CCDC85C: variants seen among roughly 807,000 people sequenced by gnomAD.
The protein encoded by CCDC85C is coiled-coil domain-containing protein 85C.
A neutral mutation model predicts 38.3 loss-of-function variants in CCDC85C; 18 were observed. The observed-to-expected ratio is 0.47, with a 90% CI of 0.33 to 0.70. The LOEUF (loss-of-function observed/expected upper bound fraction) is 0.70, where lower values mean the gene tolerates loss of function less well. Among genes scored for constraint, CCDC85C ranks in the 30% least tolerant of loss-of-function variants. The probability of loss-of-function intolerance (pLI) is 0.03; values close to 1 mark genes in which losing one functional copy is unlikely to be tolerated. For missense variants in CCDC85C, 566 were observed against 621.2 expected (o/e 0.91, Z 0.94); for synonymous variants, 264 against 293.8 (o/e 0.90, Z 1.04).
In CCDC85C at chr14:99,544,668, G is replaced by T. The variant is rs141515367; in HGVS notation, c.794-8580C>A. The stretch of plus-strand genomic sequence containing the variant: ...ACTTTCAGGGCCCAGGCTCCAGGGA[G>T]CGTCACTCTGAACTCCATTATCCTT... On this transcript the variant is annotated intron_variant, in intron 1 of 5. Coordinates refer to ENST00000380243, the MANE Select transcript of CCDC85C (RefSeq NM_001144995.2). This position sits in a 1 kb window ranked among gnomAD's most constrained non-coding sequence, Gnocchi z 5.3. Among the ~76,000 whole-genome samples, 964 of 152,224 alleles carry T rather than the reference G, an allele frequency of 6.3e-3. 5 individuals carry two copies. Among genetic ancestry groups the T allele is most frequent in the Middle Eastern group, 0.031 (9 of 294 alleles).
chr14:99,522,522 GTGAGAGC>G (rs1897317755), intron 2 of CCDC85C: 1 of 113,498 alleles, frequency 8.8e-6, no homozygotes, highest in Admixed American at 1.9e-4. Context: ...AGAAGAGCCA[GTGAGAGC>G]GAGTGAGGAG....
rs1555369519 is a variant in CCDC85C, at chr14:99,544,516, GTC to G, written c.794-8430_794-8429del. ...TGTGTGTGTGTGTGTGTGTGTGTGT[GTC>G]TGTGTGTCTGTGTGTTCCCACACCC... On this transcript the variant is annotated intron_variant, in intron 1 of 5. Coordinates refer to ENST00000380243, the MANE Select transcript of CCDC85C (RefSeq NM_001144995.2). This position sits in a 1 kb window ranked among gnomAD's most constrained non-coding sequence, Gnocchi z 5.3. Among the ~76,000 whole-genome samples, 5 of 150,372 alleles carry G rather than the reference GTC, an allele frequency of 3.3e-5. No individual in the cohort carries two copies. The highest frequency in any genetic ancestry group is 1.2e-4 in the African/African-American group (5 of 40,008).
chr14:99,571,051 G>T (rs985479043), intron 1 of CCDC85C, among the ~76,000 whole-genome samples: 1 of 152,104 alleles, frequency 6.6e-6, no homozygotes, highest in Admixed American at 6.5e-5. Context: ...TGCCACCCCT[G>T]CCTGTGCCCA....
intron 1 of CCDC85C, among the ~76,000 whole-genome samples, chr14:99,547,576 C>G (rs1566769207): frequency 6.6e-6 from 1 of 152,122 alleles, no homozygotes; most frequent in Non-Finnish European, 1.5e-5. Flanking sequence ...GAGTTCGAGA[C>G]TAGCCTGGCC....
Position 99,502,636 on chromosome 14 carries a change from G to A in CCDC85C, c.*12610C>T, listed in dbSNP as rs79410788. The A allele has an allele frequency of 7.4e-7, 1 of 1,342,492 alleles. No homozygotes were observed. The highest frequency in any genetic ancestry group is 1.0e-6 in the Non-Finnish European group (1 of 955,300). The allele number at this position is 1,342,492 out of a possible 1,614,324, so 83.2% of individuals were successfully genotyped here. A position where few individuals can be genotyped will look rare whatever the true frequency, so the allele number is the denominator to read the frequency against. ...GATTCATGCTTAGGTCCTCGTAGGG[G>A]TATCATAACTGATTCTTTATCCAGG... On this transcript the variant is annotated 3_prime_UTR_variant, in exon 6 of 6. Coordinates refer to ENST00000380243, the MANE Select transcript of CCDC85C (RefSeq NM_001144995.2).
rs1266869708 is a variant in CCDC85C, at chr14:99,500,698, C to G, written c.*14548G>C. 1 of 1,012,264 alleles carries G rather than the reference C, an allele frequency of 9.9e-7. No homozygotes were observed. The highest frequency in any genetic ancestry group is 1.5e-6 in the Non-Finnish European group (1 of 659,606). 62.7% of individuals were successfully genotyped at this position (1,012,264 alleles called of 1,614,324 possible). A position where few individuals can be genotyped will look rare whatever the true frequency, so the allele number is the denominator to read the frequency against. ...GAGAGAATAAATAGACAGGAAAGCT[C>G]ACTTTTGTAATGCTGCTTGAGACCT... is the stretch of plus-strand genomic sequence containing the variant. On this transcript the variant is annotated 3_prime_UTR_variant, in exon 6 of 6. Transcript: ENST00000380243.
intron 1 of CCDC85C, among the ~76,000 whole-genome samples, chr14:99,602,139 G>A (rs1422377169): frequency 6.6e-6 from 1 of 152,250 alleles, no homozygotes; most frequent in African/African-American, 2.4e-5. Flanking sequence ...AGCAGAACTG[G>A]AAGCCAAGCT....
intron 1 of CCDC85C, among the ~76,000 whole-genome samples, chr14:99,564,170 G>T (rs1028668354): frequency 7.2e-5 from 11 of 152,262 alleles, no homozygotes; most frequent in Non-Finnish European, 1.5e-4. Context: ...TCTCTCCACA[G>T]AAGTTTCTTG....
intron 3 of CCDC85C, among the ~76,000 whole-genome samples, chr14:99,518,682 T>A (rs1463847440): frequency 6.6e-6 from 1 of 152,174 alleles, no homozygotes; most frequent in African/African-American, 2.4e-5. Context: ...ACAGGCCATG[T>A]GCCAGCCGGC....
chr14:99,571,283 G>A (rs1272534879), intron 1 of CCDC85C, among the ~76,000 whole-genome samples: 4 of 152,062 alleles, frequency 2.6e-5, no homozygotes, highest in Non-Finnish European at 5.9e-5. Flanking sequence ...AGGCCATCTC[G>A]CCAAGGCCTG....
intron 1 of CCDC85C, among the ~76,000 whole-genome samples, chr14:99,560,666 C>G (rs1472478213): frequency 6.6e-6 from 1 of 152,216 alleles, no homozygotes; most frequent in Admixed American, 6.5e-5. Flanking sequence ...TCGCTGGGCC[C>G]GGTGTACTCA....
intron 2 of CCDC85C, among the ~76,000 whole-genome samples, chr14:99,524,370 G>A (rs528274569): frequency 4.6e-5 from 7 of 151,730 alleles, no homozygotes; most frequent in Non-Finnish European, 7.4e-5. Context: ...TCTGGCCCTC[G>A]ACCAAATGGG....
At chr14:99,566,148 G>A (rs930020581) in intron 1 of CCDC85C, among the ~76,000 whole-genome samples, 10 of 152,216 alleles carry the variant, frequency 6.6e-5, no homozygotes, top group Non-Finnish European at 1.3e-4. Flanking sequence ...CTCCAGAATC[G>A]TACTGAATGC....
rs1282781179 is a variant in CCDC85C at position 99,533,022 on chromosome 14, T to G, written c.867+2993A>C. 3.3e-5 allele frequency among the ~76,000 whole-genome samples: 5 copies of G among 152,120 alleles called. No homozygotes were observed. The highest frequency in any genetic ancestry group is 5.9e-5 in the Non-Finnish European group (4 of 68,026). The stretch of plus-strand genomic sequence containing the variant: ...ATCTCAAATTCCTGACCTCAAGTGA[T>G]CCGCCCACCTCAGCCTCCCAAAGTG... On this transcript the variant is annotated intron_variant, in intron 2 of 5. Coordinates refer to ENST00000380243, the MANE Select transcript of CCDC85C (RefSeq NM_001144995.2). The surrounding 1 kb of genome is among the most constrained non-coding windows in gnomAD (Gnocchi z 4.2).
At chr14:99,529,805 C>G (rs532537192) in intron 2 of CCDC85C, among the ~76,000 whole-genome samples, 1 of 152,364 alleles carries the variant, frequency 6.6e-6, no homozygotes, top group Admixed American at 6.5e-5. Context: ...AAACTGGCAT[C>G]AGGCGGAGGC....
rs889003793 is a variant in CCDC85C at position 99,504,309 on chromosome 14, C to G, written c.*10937G>C. 1 of 155,586 alleles carries G rather than the reference C, an allele frequency of 6.4e-6. No individual in the cohort carries two copies. The highest frequency in any genetic ancestry group is 2.4e-5 in the African/African-American group (1 of 41,426). The allele number at this position is 155,586 out of a possible 1,614,324, so 9.6% of individuals were successfully genotyped here. Reference sequence around the variant, plus strand: ...TTTCTTTGTTACTTGGTTCTTAGTTCCAGTAGTTCCTGGTTCTTAGAACCA... The same window carrying G: ...TTTCTTTGTTACTTGGTTCTTAGTTGCAGTAGTTCCTGGTTCTTAGAACCA... On this transcript the variant is annotated 3_prime_UTR_variant, in exon 6 of 6. Coordinates refer to ENST00000380243, the MANE Select transcript of CCDC85C (RefSeq NM_001144995.2).
In CCDC85C at chr14:99,588,705, G is replaced by T. The variant is rs2055052884; in HGVS notation, c.793+14462C>A. On this transcript the variant is annotated intron_variant, in intron 1 of 5. Transcript: ENST00000380243. This position sits in a 1 kb window ranked among gnomAD's most constrained non-coding sequence, Gnocchi z 5.0. ...CACCCGTATAAGCACTTGGAAGGTG[G>T]TCCTGAAGTAAGAAACCAGGCCACT... Among the ~76,000 whole-genome samples, 1 of 151,896 alleles carries T rather than the reference G, an allele frequency of 6.6e-6. No individual in the cohort carries two copies. The highest frequency in any genetic ancestry group is 6.6e-5 in the Admixed American group (1 of 15,232).
chr14:99,603,670 T>G lies in CCDC85C; in HGVS notation c.290A>C (p.Lys97Thr). ...LCCFLDDDRQ[K>T]GRKLAREWQR... ...CCACTCGCGCGCCAGCTTGCGCCCC[T>G]TCTGCCGGTCGTCGTCGAGGAAGCA... Residue 97 changes from lysine to threonine, a missense_variant, in exon 1 of 6, where the codon AAG becomes ACG. By Grantham distance (78) the Lys-to-Thr change is moderately conservative. Coordinates refer to ENST00000380243, the MANE Select transcript of CCDC85C (RefSeq NM_001144995.2). The surrounding 1 kb of genome is among the most constrained non-coding windows in gnomAD (Gnocchi z 7.5). 1.3e-6 allele frequency: 2 copies of G among 1,493,218 alleles called. No homozygotes were observed. Among genetic ancestry groups the G allele is most frequent in the Non-Finnish European group, 1.8e-6 (2 of 1,123,472 alleles). 92.5% of individuals were successfully genotyped at this position (1,493,218 alleles called of 1,614,324 possible).
intron 1 of CCDC85C, among the ~76,000 whole-genome samples, chr14:99,579,498 G>A (rs1329934526): frequency 6.6e-6 from 1 of 152,196 alleles, no homozygotes; most frequent in Non-Finnish European, 1.5e-5. Flanking sequence ...TCCCAGCCCT[G>A]GTCCTTCTGC....
Sources: allele counts gnomAD v4.1 joint callset (sites outside exome capture counted in the v4.1 genomes callset), GRCh38; gene constraint gnomAD v4.1.1; non-coding constraint Gnocchi (gnomAD v3.1); transcripts MANE v1.5; gene names NCBI Gene and HGNC (gene_info 2026-07-23, HGNC 2026-07-21).